Variants in SLC9A9 observed in about 807,000 individuals in gnomAD.
SLC9A9 encodes solute carrier family 9 member A9, also known as sodium/hydrogen exchanger 9.
Under a neutral mutation model 77.8 loss-of-function variants are expected in SLC9A9, and 62 were observed. The ratio of observed to expected loss-of-function variants is 0.80; its 90% CI spans 0.65 to 0.98. The LOEUF is 0.98. Ranked by LOEUF, SLC9A9 falls within the 50% of genes least tolerant of loss-of-function variation. SLC9A9 has a pLI of 0.00. For missense variants in SLC9A9, 775 were observed against 774.9 expected, an observed-to-expected ratio of 1.00 and a Z score of 0.00; for synonymous variants, 320 against 283.5, an observed-to-expected ratio of 1.13 and a Z score of -1.29.
chr3:143,488,134 A>G (rs1438289385), intron 11 of SLC9A9, among the ~76,000 whole-genome samples: 1 of 151,914 alleles, frequency 6.6e-6, no homozygotes, highest in Non-Finnish European at 1.5e-5. Context: ...TTTTATGCTA[A>G]CAAATTGAAT....
intron 13 of SLC9A9, among the ~76,000 whole-genome samples, chr3:143,374,441 A>AAAAAAG (rs1559887966): frequency 1.8e-4 from 27 of 149,830 alleles, no homozygotes; most frequent in South Asian, 1.1e-3. Context: ...AAAAAAAAAA[A>AAAAAAG]AAAAAGAAAA....
At chr3:143,839,281 G>C (rs1172567120) in intron 1 of SLC9A9, among the ~76,000 whole-genome samples, 1 of 152,134 alleles carries the variant, frequency 6.6e-6, no homozygotes, top group African/African-American at 2.4e-5. Flanking sequence ...TTTCAGAACA[G>C]GTCTGGGACA....
intron 12 of SLC9A9, among the ~76,000 whole-genome samples, chr3:143,456,198 C>T (rs1159199057): frequency 6.6e-6 from 1 of 151,956 alleles, no homozygotes; most frequent in East Asian, 1.9e-4. Context: ...ATATACATTT[C>T]AGTGATTGAT....
At chr3:143,680,337 G>A (rs144676637) in intron 5 of SLC9A9, among the ~76,000 whole-genome samples, 1 of 151,904 alleles carries the variant, frequency 6.6e-6, no homozygotes, top group Non-Finnish European at 1.5e-5. Context: ...CTGCTGGAAG[G>A]TTTATGAAAA....
chr3:143,794,290 A>G (rs186072408), intron 4 of SLC9A9, among the ~76,000 whole-genome samples: 99 of 151,608 alleles, frequency 6.5e-4, no homozygotes, highest in African/African-American at 2.3e-3. Flanking sequence ...AATTGAAGAC[A>G]TCTGCATCAT....
intron 11 of SLC9A9, among the ~76,000 whole-genome samples, chr3:143,474,963 T>G (rs1386959231): frequency 6.6e-6 from 1 of 150,760 alleles, no homozygotes; most frequent in Non-Finnish European, 1.5e-5. Context: ...ACCCAGGTTT[T>G]TTTTTTTTTT....
At chr3:143,376,264 T>A (rs761232910) in intron 13 of SLC9A9, among the ~76,000 whole-genome samples, 6 of 151,974 alleles carry the variant, frequency 3.9e-5, no homozygotes, top group Non-Finnish European at 8.8e-5. Flanking sequence ...TGGCCAGGAG[T>A]TAACAGGGAA....
intron 5 of SLC9A9, among the ~76,000 whole-genome samples, chr3:143,656,538 T>C (rs1306444373): frequency 6.6e-6 from 1 of 152,196 alleles, no homozygotes; most frequent in African/African-American, 2.4e-5. Context: ...TTCCCTAGAA[T>C]CTCCATTAGC....
At chr3:143,396,747 A>G (rs1296590293) in intron 12 of SLC9A9, among the ~76,000 whole-genome samples, 1 of 152,118 alleles carries the variant, frequency 6.6e-6, no homozygotes, top group Non-Finnish European at 1.5e-5. Flanking sequence ...AACTGTGAAG[A>G]TTTCCAGCAA....
chr3:143,308,444 C>T (rs562066826), intron 14 of SLC9A9, among the ~76,000 whole-genome samples: 9 of 151,990 alleles, frequency 5.9e-5, no homozygotes, highest in East Asian at 1.9e-4. Context: ...GGCATGGTGG[C>T]GGGCACCTGT....
intron 1 of SLC9A9, among the ~76,000 whole-genome samples, chr3:143,834,230 A>G (rs1305539543): frequency 6.6e-6 from 1 of 152,212 alleles, no homozygotes; most frequent in East Asian, 1.9e-4. Context: ...AGTTATAGAT[A>G]CGTAACCCTC....
At chr3:143,422,352 T>C (rs967366470) in intron 12 of SLC9A9, among the ~76,000 whole-genome samples, 1 of 152,206 alleles carries the variant, frequency 6.6e-6, no homozygotes, top group Non-Finnish European at 1.5e-5. Context: ...TCAACCCAGG[T>C]GCCCATCAAC....
intron 6 of SLC9A9, among the ~76,000 whole-genome samples, chr3:143,620,796 G>C (rs898692074): frequency 6.6e-6 from 1 of 152,172 alleles, no homozygotes; most frequent in African/African-American, 2.4e-5. Flanking sequence ...GCGACCAAGT[G>C]TGAGCTGAAG....
At chr3:143,399,202 GAC>G (rs2033796483) in intron 12 of SLC9A9, among the ~76,000 whole-genome samples, 1 of 152,056 alleles carries the variant, frequency 6.6e-6, no homozygotes, top group Non-Finnish European at 1.5e-5. Flanking sequence ...TTGACAGAAA[GAC>G]AATGGGTAAG....
intron 9 of SLC9A9, among the ~76,000 whole-genome samples, chr3:143,523,079 A>G (rs1169434873): frequency 6.6e-6 from 1 of 152,154 alleles, no homozygotes; most frequent in African/African-American, 2.4e-5. Context: ...CATGGGGAGA[A>G]AAAGAGAAAA....
chr3:143,755,148 T>C (rs1351680097), intron 4 of SLC9A9, among the ~76,000 whole-genome samples: 2 of 152,146 alleles, frequency 1.3e-5, no homozygotes, highest in African/African-American at 4.8e-5. Flanking sequence ...AATAGGTGTT[T>C]GCACAATAGG....
chr3:143,452,846 TA>T (rs1466358958), intron 12 of SLC9A9, among the ~76,000 whole-genome samples: 3 of 152,046 alleles, frequency 2.0e-5, no homozygotes, highest in African/African-American at 7.2e-5. Flanking sequence ...CTAGGTGCAA[TA>T]ACGGTACTTT....
At chr3:143,278,428 T>C (rs1222239849) in intron 14 of SLC9A9, among the ~76,000 whole-genome samples, 3 of 152,174 alleles carry the variant, frequency 2.0e-5, no homozygotes, top group African/African-American at 7.2e-5. Context: ...AGATTGTAAT[T>C]ATTTTGTCTA....
At chr3:143,575,461 C>T (rs539183379) in intron 7 of SLC9A9, among the ~76,000 whole-genome samples, 1 of 152,234 alleles carries the variant, frequency 6.6e-6, no homozygotes, top group South Asian at 2.1e-4. Context: ...CAGTGCCTGG[C>T]ATGTAACAAG....
Sources: gnomAD v4.1 joint callset for allele counts (sites outside exome capture counted in the v4.1 genomes callset) on GRCh38, gnomAD v4.1.1 for gene constraint, MANE v1.5 for transcripts, NCBI Gene and HGNC (gene_info 2026-07-23, HGNC 2026-07-21) for gene names.